Variants in NALF1 observed in about 807,000 individuals in gnomAD.
NALF1 encodes the protein NALCN channel auxiliary factor 1, also known as family with sequence similarity 155 member A.
In NALF1, 3 loss-of-function variants were observed where a neutral mutation model predicts 48.4. The ratio of observed to expected loss-of-function variants is 0.06; its 90% CI spans 0.03 to 0.16. NALF1 has a LOEUF of 0.16. Among genes scored for constraint, NALF1 ranks in the 10% least tolerant of loss-of-function variants. NALF1 has a pLI of 1.00. For missense variants in NALF1, 526 were observed against 571.5 expected (o/e 0.92, Z 0.81); for synonymous variants, 262 against 245.7 (o/e 1.07, Z -0.62).
chr13:107,695,678 C>G (rs1287687000), intron 1 of NALF1, among the ~76,000 whole-genome samples: 2 of 152,160 alleles, frequency 1.3e-5, no homozygotes, highest in African/African-American at 4.8e-5. Context: ...CTCCTCGGTT[C>G]TAGATGAGAA....
At chr13:107,699,411 C>T (rs1881769796) in intron 1 of NALF1, among the ~76,000 whole-genome samples, 1 of 152,046 alleles carries the variant, frequency 6.6e-6, no homozygotes, top group African/African-American at 2.4e-5. Flanking sequence ...ATATAAAACT[C>T]AATTATTCTG....
At chr13:107,597,983 A>G (rs1164557920) in intron 1 of NALF1, among the ~76,000 whole-genome samples, 1 of 152,198 alleles carries the variant, frequency 6.6e-6, no homozygotes, top group Non-Finnish European at 1.5e-5. Context: ...GTTGAAGATT[A>G]TATGTTACAG....
chr13:107,178,026 G>T (rs569768307), intron 2 of NALF1, among the ~76,000 whole-genome samples: 1 of 151,836 alleles, frequency 6.6e-6, no homozygotes, highest in Non-Finnish European at 1.5e-5. Flanking sequence ...CAGCCTGGGC[G>T]ACAGAGCAAG....
intron 1 of NALF1, among the ~76,000 whole-genome samples, chr13:107,242,027 C>T (rs936894029): frequency 5.3e-5 from 8 of 152,188 alleles, no homozygotes; most frequent in African/African-American, 1.9e-4. Context: ...CCTATTGGCA[C>T]TGCTTCTGCT....
Position 107,703,004 on chromosome 13 carries a change from C to T in NALF1, c.915+162678G>A, listed in dbSNP as rs570838872. On this transcript the variant is annotated intron_variant, in intron 1 of 2. Coordinates refer to ENST00000375915, the MANE Select transcript of NALF1 (RefSeq NM_001080396.3). Reference sequence around the variant, plus strand: ...CTATTGTGAACAGTGCTGCGATGAACATATGTGTGCATGTATCTTTATAAT... The same window carrying T: ...CTATTGTGAACAGTGCTGCGATGAATATATGTGTGCATGTATCTTTATAAT... Among the ~76,000 whole-genome samples, 4 of 152,300 alleles carry T rather than the reference C, an allele frequency of 2.6e-5. No individual in the cohort carries two copies. In the East Asian group the frequency reaches 7.7e-4, roughly 29 times the overall value.
At chr13:107,660,490 A>AC (rs1165769114) in intron 1 of NALF1, among the ~76,000 whole-genome samples, 20 of 142,494 alleles carry the variant, frequency 1.4e-4, no homozygotes, top group Middle Eastern at 4.1e-3. Context: ...CACACAACAA[A>AC]GAAACAAAAA....
chr13:107,456,866 T>G (rs1380349399), intron 1 of NALF1, among the ~76,000 whole-genome samples: 1 of 152,146 alleles, frequency 6.6e-6, no homozygotes, highest in African/African-American at 2.4e-5. Context: ...TCACCCACAG[T>G]TCCTGTAAAA....
intron 1 of NALF1, among the ~76,000 whole-genome samples, chr13:107,244,167 C>T (rs72666506): frequency 0.13 from 19,163 of 152,212 alleles, 1,585 homozygotes; most frequent in East Asian, 0.4. Flanking sequence ...CATACTGACT[C>T]TGTGCAATGA....
chr13:107,574,398 A>G (rs992134497), intron 1 of NALF1, among the ~76,000 whole-genome samples: 3 of 152,170 alleles, frequency 2.0e-5, no homozygotes, highest in Non-Finnish European at 4.4e-5. Context: ...CTTCTCTCCA[A>G]ACCCCAACTA....
At chr13:107,189,282 T>G (rs1879235561) in intron 2 of NALF1, among the ~76,000 whole-genome samples, 1 of 152,188 alleles carries the variant, frequency 6.6e-6, no homozygotes, top group African/African-American at 2.4e-5. Flanking sequence ...TAACACACAC[T>G]GCAAAATATC....
At position 107,866,719 on chromosome 13, in the gene NALF1, CT is replaced by C; in HGVS notation, c.-124del. On this transcript the variant is annotated 5_prime_UTR_variant, in exon 1 of 3. Coordinates refer to ENST00000375915, the MANE Select transcript of NALF1 (RefSeq NM_001080396.3). This position sits in a 1 kb window ranked among gnomAD's most constrained non-coding sequence, Gnocchi z 4.4. Reference sequence around the variant, plus strand: ...CCCCTCCTCCCGTTTCTTCTCTCTCCTCTCTCTCTTTCTCTCTCTTCCCCTC... The same window carrying C: ...CCCCTCCTCCCGTTTCTTCTCTCTCCCTCTCTCTTTCTCTCTCTTCCCCTC... The C allele has an allele frequency of 3.1e-6, 1 of 320,758 alleles. No individual in the cohort carries two copies. Among genetic ancestry groups the C allele is most frequent in the Non-Finnish European group, 6.8e-6 (1 of 147,874 alleles). 19.9% of individuals were successfully genotyped at this position (320,758 alleles called of 1,614,324 possible).
Position 107,768,289 on chromosome 13 carries a change from T to G in NALF1, c.915+97393A>C, listed in dbSNP as rs1877474029. On this transcript the variant is annotated intron_variant, in intron 1 of 2. Coordinates refer to ENST00000375915, the MANE Select transcript of NALF1 (RefSeq NM_001080396.3). Reference sequence around the variant, plus strand: ...TGTTTCTAACATTATGGCTCTGACATGCTAAATACTGTATAATTGTGGCAA... The same window carrying G: ...TGTTTCTAACATTATGGCTCTGACAGGCTAAATACTGTATAATTGTGGCAA... 2.0e-5 allele frequency among the ~76,000 whole-genome samples: 3 copies of G among 152,232 alleles called. No individual in the cohort carries two copies. The South Asian group carries it at 6.2e-4, about 32-fold the overall frequency.
intron 1 of NALF1, among the ~76,000 whole-genome samples, chr13:107,364,089 GT>G (rs1883110888): frequency 6.6e-6 from 1 of 152,146 alleles, no homozygotes; most frequent in Admixed American, 6.5e-5. Context: ...TATTTGGAAT[GT>G]TTTTCTTTTT....
chr13:107,560,748 C>T (rs897384044), intron 1 of NALF1, among the ~76,000 whole-genome samples: 1 of 152,056 alleles, frequency 6.6e-6, no homozygotes, highest in African/African-American at 2.4e-5. Flanking sequence ...TCTGCCAAGG[C>T]CATTTATTTT....
intron 1 of NALF1, among the ~76,000 whole-genome samples, chr13:107,463,256 G>A (rs1348919198): frequency 6.6e-6 from 1 of 152,182 alleles, no homozygotes; most frequent in East Asian, 1.9e-4. Context: ...TACAGTTAGA[G>A]TTAATCTAAT....
chr13:107,855,545 A>T (rs1880422539), intron 1 of NALF1, among the ~76,000 whole-genome samples: 1 of 152,150 alleles, frequency 6.6e-6, no homozygotes, highest in Non-Finnish European at 1.5e-5. Context: ...TGTACCAAAG[A>T]ATTGTACACT....
intron 1 of NALF1, among the ~76,000 whole-genome samples, chr13:107,537,203 C>T (rs1273172313): frequency 1.3e-5 from 2 of 151,872 alleles, no homozygotes; most frequent in Non-Finnish European, 2.9e-5. Flanking sequence ...ACATTGTGCA[C>T]ATGTACCCTA....
At chr13:107,771,923 G>A (rs1400741525) in intron 1 of NALF1, among the ~76,000 whole-genome samples, 2 of 152,100 alleles carry the variant, frequency 1.3e-5, no homozygotes, top group Non-Finnish European at 2.9e-5. Flanking sequence ...TTTTAGTAGA[G>A]ACAGGGTCTC....
At chr13:107,313,273 T>G (rs368806147) in intron 1 of NALF1, among the ~76,000 whole-genome samples, 2 of 152,150 alleles carry the variant, frequency 1.3e-5, no homozygotes, top group East Asian at 3.9e-4. Context: ...ACTCAAGGCA[T>G]GAGTTTTCAG....
Sources: gnomAD v4.1 joint callset for allele counts (sites outside exome capture counted in the v4.1 genomes callset) on GRCh38, gnomAD v4.1.1 for gene constraint, Gnocchi (gnomAD v3.1) non-coding constraint, MANE v1.5 for transcripts, NCBI Gene and HGNC (gene_info 2026-07-23, HGNC 2026-07-21) for gene names.